TOGARAM2: variants seen among roughly 807,000 people sequenced by gnomAD.
TOGARAM2 encodes the protein TOG array regulator of axonemal microtubules 2, also known as TOG array regulator of axonemal microtubules protein 2.
A neutral mutation model predicts 93.3 loss-of-function variants in TOGARAM2; 85 were observed. The observed-to-expected ratio is 0.91, with a 90% confidence interval of 0.76 to 1.09. The LOEUF (loss-of-function observed/expected upper bound fraction) is 1.09, where lower values mean the gene tolerates loss of function less well. Ranked by LOEUF, TOGARAM2 falls within the 50% of genes least tolerant of loss-of-function variation. TOGARAM2 has a pLI of 0.00. For missense variants in TOGARAM2, 1,277 were observed against 1,334.5 expected (o/e 0.96, Z 0.67); for synonymous variants, 593 against 552.8 (o/e 1.07, Z -1.02).
rs1664431449 is a variant in TOGARAM2 at position 29,014,461 on chromosome 2, T to G, written c.944T>G (p.Phe315Cys). The stretch of plus-strand genomic sequence containing the variant: ...GCTGCCAAGAAGCCTGCCCTGCCTT[T>G]TTCTCAGTCTGCTCCCACGCTGACA... Reference protein sequence around the residue: ...PAAAKKPALPFSQSAPTLTAF... With the variant: ...PAAAKKPALPCSQSAPTLTAF... The change falls in exon 8 of 20, where the codon TTT becomes TGT. Residue 315 changes from phenylalanine (F) to cysteine (C), a missense_variant. Coordinates refer to ENST00000379558, the MANE Select transcript of TOGARAM2 (RefSeq NM_199280.4). 1 of 1,605,102 alleles carries G rather than the reference T, an allele frequency of 6.2e-7. No individual in the cohort carries two copies. Among genetic ancestry groups the G allele is most frequent in the South Asian group, 1.1e-5 (1 of 88,836 alleles).
chr2:28,980,784 T>C (rs564330821), upstream of TOGARAM2, among the ~76,000 whole-genome samples: 15 of 152,278 alleles, frequency 9.9e-5, no homozygotes, highest in African/African-American at 3.6e-4. Flanking sequence ...CTAGACAAAA[T>C]TACAAGCTGT....
At chr2:29,043,495 C>T (rs1057474682) in intron 18 of TOGARAM2, among the ~76,000 whole-genome samples, 11 of 152,178 alleles carry the variant, frequency 7.2e-5, no homozygotes, top group Non-Finnish European at 1.5e-4. Flanking sequence ...TCTAAAAACT[C>T]TGTCCCCTGT....
At chr2:29,035,430 C>A (rs1558460412) in intron 16 of TOGARAM2, 34 bp from the exon 17 acceptor site, 1 of 1,325,660 alleles carries the variant, frequency 7.5e-7, no homozygotes, top group Admixed American at 3.3e-5. Flanking sequence ...CGGGCTCTTC[C>A]CTGGGGGGTT....
intron 18 of TOGARAM2, among the ~76,000 whole-genome samples, chr2:29,041,319 C>T (rs1160462347): frequency 2.6e-5 from 4 of 152,136 alleles, no homozygotes; most frequent in African/African-American, 7.2e-5. Flanking sequence ...CCATTGCGCC[C>T]GGCCTTGAGT....
intron 14 of TOGARAM2, among the ~76,000 whole-genome samples, chr2:29,029,234 A>G (rs1445687716): frequency 6.6e-6 from 1 of 150,598 alleles, no homozygotes; most frequent in African/African-American, 2.4e-5. Flanking sequence ...TGGCTAAAGA[A>G]ACTGTGATAT....
chr2:28,963,304 GA>G (rs1168235656), intron 1 of TOGARAM2, among the ~76,000 whole-genome samples: 1 of 152,128 alleles, frequency 6.6e-6, no homozygotes, highest in Admixed American at 6.5e-5. Flanking sequence ...TATTTTATAG[GA>G]TTTAATCCTT....
In TOGARAM2 at chr2:29,052,191, T is replaced by A; in HGVS notation, c.*98T>A. On this transcript the variant is annotated 3_prime_UTR_variant, in exon 20 of 20. Transcript: ENST00000379558. ...CTTAGAGTTCCAGATGTACATGGTA[T>A]ATTTTGAAGTAGAAATAAAAGAATT... 7.7e-6 allele frequency: 7 copies of A among 913,272 alleles called. No individual in the cohort carries two copies. The highest frequency in any genetic ancestry group is 9.3e-6 in the Non-Finnish European group (6 of 646,956). 56.6% of individuals were successfully genotyped at this position (913,272 alleles called of 1,614,324 possible). A position where few individuals can be genotyped will look rare whatever the true frequency, so the allele number is the denominator to read the frequency against.
chr2:29,006,304 T>A (rs903749458), intron 6 of TOGARAM2, among the ~76,000 whole-genome samples: 1 of 149,452 alleles, frequency 6.7e-6, no homozygotes, highest in East Asian at 2.0e-4. Context: ...TGTGTGTGTG[T>A]GAGTGCCTGT....
At chr2:29,002,283 A>G (rs75517741) in intron 4 of TOGARAM2, among the ~76,000 whole-genome samples, 2,266 of 152,166 alleles carry the variant, frequency 0.015, 49 homozygotes, top group African/African-American at 0.048. Context: ...CACTGCTTTT[A>G]TTTCCCTTCC....
chr2:28,962,892 A>G (rs1211836436), intron 1 of TOGARAM2, among the ~76,000 whole-genome samples: 1 of 150,696 alleles, frequency 6.6e-6, no homozygotes, highest in African/African-American at 2.4e-5. Flanking sequence ...TTGCCCAGAC[A>G]GCTCTCTGAA....
chr2:29,047,094 CT>C (rs1259979977), intron 19 of TOGARAM2: 1 of 152,766 alleles, frequency 6.5e-6, no homozygotes, highest in Non-Finnish European at 1.5e-5. Flanking sequence ...AGCTTCTCCC[CT>C]GCCCCATCTC....
intron 6 of TOGARAM2, among the ~76,000 whole-genome samples, chr2:29,010,538 C>A (rs531166914): frequency 6.6e-6 from 1 of 152,208 alleles, no homozygotes; most frequent in East Asian, 1.9e-4. Context: ...GGGGGGCTGT[C>A]CTACCGCCCC....
At chr2:29,044,536 C>T (rs556210654) in intron 18 of TOGARAM2, among the ~76,000 whole-genome samples, 13 of 152,176 alleles carry the variant, frequency 8.5e-5, no homozygotes, top group East Asian at 5.8e-4. Context: ...GGGGAGAGCC[C>T]GGGCCCACCA....
intron 4 of TOGARAM2, 114 bp from the exon 5 acceptor site, chr2:29,002,422 C>T (rs1392792077): frequency 3.4e-6 from 3 of 885,600 alleles, no homozygotes; most frequent in Non-Finnish European, 5.2e-6. Flanking sequence ...TGATCTCTCT[C>T]CTCGCCATCC....
intron 1 of TOGARAM2, among the ~76,000 whole-genome samples, chr2:28,994,198 C>T (rs1307466334): frequency 6.6e-6 from 1 of 152,094 alleles, no homozygotes; most frequent in Non-Finnish European, 1.5e-5. Context: ...AGGGGGGTCA[C>T]AGGTGTGGCT....
chr2:28,995,184 G>A (rs912473153), intron 2 of TOGARAM2, among the ~76,000 whole-genome samples: 1 of 152,224 alleles, frequency 6.6e-6, no homozygotes, highest in East Asian at 1.9e-4. Context: ...GGATGGGCAG[G>A]GGATATGGGC....
chr2:29,006,292 CAT>C (rs900042633), intron 6 of TOGARAM2, among the ~76,000 whole-genome samples: 1 of 124,468 alleles, frequency 8.0e-6, no homozygotes. Flanking sequence ...TGTATGTGTG[CAT>C]GTGTGTGTGT....
At chr2:28,992,829 G>A (rs1672800881) in intron 1 of TOGARAM2, among the ~76,000 whole-genome samples, 2 of 152,220 alleles carry the variant, frequency 1.3e-5, no homozygotes, top group Non-Finnish European at 2.9e-5. Context: ...GGAGGCCGAG[G>A]CAGGCAGATT....
At chr2:28,973,931 G>A (rs985577466) in intron 1 of TOGARAM2, among the ~76,000 whole-genome samples, 2 of 152,052 alleles carry the variant, frequency 1.3e-5, no homozygotes, top group Non-Finnish European at 2.9e-5. Context: ...GAAAAATGTA[G>A]AATCCTGGGT....
Sources: allele counts gnomAD v4.1 joint callset (sites outside exome capture counted in the v4.1 genomes callset), GRCh38; gene constraint gnomAD v4.1.1; transcripts MANE v1.5; gene names NCBI Gene and HGNC (gene_info 2026-07-23, HGNC 2026-07-21).